Variants in AKT3 observed in about 807,000 individuals in gnomAD.
AKT3 encodes the protein RAC-gamma serine/threonine-protein kinase.
A neutral mutation model predicts 65.3 loss-of-function variants in AKT3; 15 were observed. That is an observed-to-expected ratio of 0.23 (90% CI 0.15 to 0.35). AKT3 has a LOEUF of 0.35. Ranked by LOEUF, AKT3 falls within the 10% of genes least tolerant of loss-of-function variation. AKT3 has a pLI of 1.00. For missense variants in AKT3, 243 were observed against 576.5 expected, an observed-to-expected ratio of 0.42 and a Z score of 5.92; for synonymous variants, 206 against 183.8, an observed-to-expected ratio of 1.12 and a Z score of -0.98.
intron 5 of AKT3, among the ~76,000 whole-genome samples, chr1:243,640,994 C>T (rs977851439): frequency 2.6e-5 from 4 of 151,898 alleles, no homozygotes; most frequent in Admixed American, 1.3e-4. Flanking sequence ...ACCCTTAAGC[C>T]GGGTGGGCAC....
At chr1:243,732,716 C>T (rs1017887111) in intron 2 of AKT3, among the ~76,000 whole-genome samples, 3 of 152,162 alleles carry the variant, frequency 2.0e-5, no homozygotes, top group Admixed American at 2.0e-4. Flanking sequence ...TACAAAGAAT[C>T]CAGTGCACCA....
intron 12 of AKT3, among the ~76,000 whole-genome samples, chr1:243,518,277 G>A (rs559614155): frequency 2.0e-5 from 3 of 152,146 alleles, no homozygotes; most frequent in Non-Finnish European, 2.9e-5. Flanking sequence ...ATAAACATTT[G>A]TAGGGAAGCA....
chr1:243,824,424 C>G (rs184649526), intron 2 of AKT3, among the ~76,000 whole-genome samples: 161 of 152,150 alleles, frequency 1.1e-3, no homozygotes, highest in African/African-American at 3.5e-3. Flanking sequence ...TCTAATTAAA[C>G]TAAAGAGCTT....
intron 12 of AKT3, among the ~76,000 whole-genome samples, chr1:243,527,907 A>T (rs1671243360): frequency 1.7e-5 from 2 of 116,560 alleles, no homozygotes; most frequent in African/African-American, 8.8e-5. Flanking sequence ...ACACACACAC[A>T]CACACACACA....
chr1:243,608,503 G>C (rs1460555062), intron 8 of AKT3, among the ~76,000 whole-genome samples: 1 of 152,118 alleles, frequency 6.6e-6, no homozygotes, highest in Non-Finnish European at 1.5e-5. Context: ...AAAAAGATTT[G>C]AGTGTGCTGC....
chr1:243,742,215 T>C (rs1015636707), intron 2 of AKT3, among the ~76,000 whole-genome samples: 3 of 152,218 alleles, frequency 2.0e-5, no homozygotes, highest in African/African-American at 7.2e-5. Context: ...ACTATGTCTG[T>C]GTCATATGCC....
At chr1:243,490,236 CA>C (rs1666061788) in intron 13 of AKT3, among the ~76,000 whole-genome samples, 1 of 152,354 alleles carries the variant, frequency 6.6e-6, no homozygotes, top group East Asian at 1.9e-4. Flanking sequence ...AGTAAATGAG[CA>C]CACCCAGGCG....
chr1:243,729,271 G>T (rs900850081), intron 2 of AKT3, among the ~76,000 whole-genome samples: 1 of 152,150 alleles, frequency 6.6e-6, no homozygotes, highest in African/African-American at 2.4e-5. Context: ...TTTCTTTTTA[G>T]GATGGAAGAT....
At chr1:243,646,231 A>G (rs1445672080) in intron 4 of AKT3, among the ~76,000 whole-genome samples, 194 bp from the exon 5 acceptor site, 2 of 152,318 alleles carry the variant, frequency 1.3e-5, no homozygotes, top group African/African-American at 2.4e-5. Context: ...CCACATGCCT[A>G]AAGTCTGTAG....
Position 243,813,080 on chromosome 1 carries a change from T to C in AKT3, c.46+30045A>G, listed in dbSNP as rs570633476. On this transcript the variant is annotated intron_variant, in intron 2 of 13. Coordinates refer to ENST00000673466, the MANE Select transcript of AKT3 (RefSeq NM_005465.7). ...CATTAGGAGATATATCTAATGTAAA[T>C]GACGAGTTAATGGGTGCAGCACACC... Among the ~76,000 whole-genome samples, 8 of 150,786 alleles carry C rather than the reference T, an allele frequency of 5.3e-5. No homozygotes were observed. The East Asian group carries it at 1.6e-3, about 30-fold the overall frequency.
chr1:243,552,710 A>G lies in AKT3; in HGVS notation c.1163+19T>C. 1.2e-6 allele frequency: 2 copies of G among 1,600,832 alleles called. No homozygotes were observed. The highest frequency in any genetic ancestry group is 8.6e-7 in the Non-Finnish European group (1 of 1,169,008). ...AACCACATTCATCAGTAATTCACTA[A>G]GCGTTATTTGAGGCTTACCGTTTAT... On this transcript the variant is annotated intron_variant, in intron 11 of 13. Coordinates refer to ENST00000673466, the MANE Select transcript of AKT3 (RefSeq NM_005465.7).
At chr1:243,505,540 C>T (rs1439369458) in intron 13 of AKT3, among the ~76,000 whole-genome samples, 1 of 152,062 alleles carries the variant, frequency 6.6e-6, no homozygotes, top group Non-Finnish European at 1.5e-5. Context: ...AGAAATAATA[C>T]TATAGAATCA....
Position 243,650,551 on chromosome 1 carries a change from A to C in AKT3, c.285-4514T>G, listed in dbSNP as rs146358694. Among the ~76,000 whole-genome samples the C allele has an allele frequency of 7.1e-4, 108 of 152,232 alleles. No homozygotes were observed. The East Asian group carries it at 0.017, about 24-fold the overall frequency. On this transcript the variant is annotated intron_variant, in intron 4 of 13. Transcript: ENST00000673466. ...TTTTATGGTTTTAGGTCTTACATTTAAGTCTTTAATCCATCTTGGGTTGAT... is the reference window on the plus strand; with the variant it reads ...TTTTATGGTTTTAGGTCTTACATTTCAGTCTTTAATCCATCTTGGGTTGAT...
chr1:243,780,190 G>T (rs904727618), intron 2 of AKT3, among the ~76,000 whole-genome samples: 3 of 152,004 alleles, frequency 2.0e-5, no homozygotes, highest in Non-Finnish European at 2.9e-5. Flanking sequence ...ACTTTATAAT[G>T]AAGAAGAAAG....
At chr1:243,798,405 T>TTTTG (rs1692173677) in intron 2 of AKT3, among the ~76,000 whole-genome samples, 1 of 133,278 alleles carries the variant, frequency 7.5e-6, no homozygotes, top group African/African-American at 2.9e-5. Context: ...TTTTTTTTTT[T>TTTTG]TTTTTTTTTT....
chr1:243,511,232 T>G (rs1558577745), intron 13 of AKT3, among the ~76,000 whole-genome samples: 1 of 152,250 alleles, frequency 6.6e-6, no homozygotes, highest in Non-Finnish European at 1.5e-5. Flanking sequence ...CTGGAGCACC[T>G]TAACTTTTTG....
chr1:243,747,170 T>C (rs927206135), intron 2 of AKT3, among the ~76,000 whole-genome samples: 2 of 152,132 alleles, frequency 1.3e-5, no homozygotes, highest in East Asian at 1.9e-4. Flanking sequence ...ATGGCTATTA[T>C]CTAAATAAAC....
intron 13 of AKT3, among the ~76,000 whole-genome samples, chr1:243,492,627 T>TTG (rs1222752580): frequency 8.8e-6 from 1 of 113,216 alleles, no homozygotes; most frequent in South Asian, 2.8e-4. Context: ...TTTTTTTTTT[T>TTG]GATGAGTTTT....
chr1:243,717,353 G>A (rs879895776), intron 2 of AKT3, among the ~76,000 whole-genome samples: 1 of 152,090 alleles, frequency 6.6e-6, no homozygotes, highest in Non-Finnish European at 1.5e-5. Context: ...TCAAGGACTA[G>A]GTAGTATCAA....
Sources: gnomAD v4.1 joint callset for allele counts (sites outside exome capture counted in the v4.1 genomes callset) on GRCh38, gnomAD v4.1.1 for gene constraint, MANE v1.5 for transcripts, NCBI Gene and HGNC (gene_info 2026-07-23, HGNC 2026-07-21) for gene names.